VPS9D1: variants seen among roughly 807,000 people sequenced by gnomAD.
VPS9D1 encodes VPS9 domain containing 1.
Under a neutral mutation model 75.8 loss-of-function variants are expected in VPS9D1, and 78 were observed. That is an observed-to-expected ratio of 1.03 (90% confidence interval 0.86 to 1.24). The LOEUF (loss-of-function observed/expected upper bound fraction) is 1.24, where lower values mean the gene tolerates loss of function less well. VPS9D1 is among the 50% of genes most tolerant of loss of function. The pLI is 0.00. For synonymous variants in VPS9D1, 481 were observed against 385.6 expected (o/e 1.25, Z -2.90); for missense variants, 1,057 against 847.7 (o/e 1.25, Z -3.07).
At chr16:89,712,926 C>T in intron 4 of VPS9D1, 1 of 472,700 alleles carries the variant, frequency 2.1e-6, no homozygotes, top group Non-Finnish European at 3.7e-6. Context: ...GCTCCCGCCT[C>T]TAATGCCAGC....
In VPS9D1 at chr16:89,717,701, G is replaced by A. The variant is rs566060664; in HGVS notation, c.176-879C>T. 2.2e-5 allele frequency: 10 copies of A among 456,254 alleles called. No individual in the cohort carries two copies. In the Middle Eastern group the frequency reaches 1.3e-3, roughly 59 times the overall value. The allele number at this position is 456,254 out of a possible 1,614,324, so 28.3% of individuals were successfully genotyped here. On this transcript the variant is annotated intron_variant, in intron 2 of 14. Transcript: ENST00000389386. Reference sequence around the variant, plus strand: ...CACGGTGGGCCACTGGAGTTCCTCTGTCTTCTGGGACTTTGCTCTCCCCAG... The same window carrying A: ...CACGGTGGGCCACTGGAGTTCCTCTATCTTCTGGGACTTTGCTCTCCCCAG...
intron 2 of VPS9D1, among the ~76,000 whole-genome samples, chr16:89,718,533 C>G (rs533786899): frequency 6.6e-6 from 1 of 152,120 alleles, no homozygotes; most frequent in Non-Finnish European, 1.5e-5. Context: ...TTATCCACAA[C>G]GCTGGTCCCT....
At chr16:89,716,162 C>T (rs918398398) in intron 4 of VPS9D1, among the ~76,000 whole-genome samples, 6 of 152,094 alleles carry the variant, frequency 3.9e-5, no homozygotes, top group South Asian at 4.1e-4. Flanking sequence ...GTCAGGAGAT[C>T]GAAACCATCC....
chr16:89,712,120 C>T (rs1376433515), intron 6 of VPS9D1, 21 bp from the exon 7 acceptor site: 3 of 1,548,194 alleles, frequency 1.9e-6, no homozygotes, highest in South Asian at 2.4e-5. Context: ...AGTCAAGGGG[C>T]CGAGCGTGGG....
chr16:89,711,527 G>A (rs531330838), intron 8 of VPS9D1, 115 bp from the exon 9 acceptor site: 1 of 1,044,776 alleles, frequency 9.6e-7, no homozygotes, highest in Admixed American at 2.8e-5. Context: ...TGGGGTGCAG[G>A]AGACCCAGCG....
intron 13 of VPS9D1, 68 bp downstream of exon 13, chr16:89,708,789 C>T: frequency 2.1e-6 from 3 of 1,430,174 alleles, no homozygotes; most frequent in Non-Finnish European, 2.8e-6. Flanking sequence ...GGAAGATAGT[C>T]CCTCCCGTGA....
intron 13 of VPS9D1, 54 bp downstream of exon 13, chr16:89,708,803 T>C (rs1364064349): frequency 1.3e-6 from 2 of 1,491,832 alleles, no homozygotes; most frequent in East Asian, 2.4e-5. Flanking sequence ...CCCGTGACCA[T>C]TGCCTTTCTA....
Position 89,708,966 on chromosome 16 carries a change from A to T in VPS9D1, c.1598-10T>A. 6.3e-7 allele frequency: 1 copy of T among 1,589,830 alleles called. No individual in the cohort carries two copies. The highest frequency in any genetic ancestry group is 8.5e-7 in the Non-Finnish European group (1 of 1,169,658). ...ATCCGCAGGGTCCGCACTGCGCCCC[A>T]GACAGGGTTTCAGGGGCAGTTAACC... On this transcript the variant is annotated splice_polypyrimidine_tract_variant and intron_variant, in intron 12 of 14. Transcript: ENST00000389386.
rs2060826857 is a variant in VPS9D1 at position 89,707,867 on chromosome 16, G to C, written c.1890C>G (p.Ala630=). Residue 630 remains alanine (A), a synonymous_variant, in exon 15 of 15, where the codon GCC becomes GCG. Transcript: ENST00000389386. ...ACCCTGGGCTCTAGCTGTACTACTT[G>C]GCCAGGCCTCCCCGGGGCAGCAGCT... ...YVELLPRGGL[A]K 1 of 1,612,918 alleles carries C rather than the reference G, an allele frequency of 6.2e-7. No homozygotes were observed. Among genetic ancestry groups the C allele is most frequent in the African/African-American group, 1.3e-5 (1 of 74,922 alleles).
chr16:89,714,295 T>C (rs1298082130), intron 4 of VPS9D1, among the ~76,000 whole-genome samples: 1 of 152,138 alleles, frequency 6.6e-6, no homozygotes, highest in Non-Finnish European at 1.5e-5. Context: ...ATTTTATGTG[T>C]GGCCCAAGAC....
intron 10 of VPS9D1, 45 bp downstream of exon 10, chr16:89,710,541 G>A: frequency 2.6e-6 from 4 of 1,542,604 alleles, no homozygotes; most frequent in Middle Eastern, 1.7e-4. Context: ...CAATAAGCAG[G>A]GGTGAAGAGC....
At chr16:89,720,493 A>C in intron 1 of VPS9D1, 1 of 1,124,942 alleles carries the variant, frequency 8.9e-7, no homozygotes, top group Middle Eastern at 3.8e-4. Context: ...CTCCTGCTAC[A>C]TCTCCTCTAC....
At chr16:89,709,080 C>G (rs974862000) in intron 12 of VPS9D1, 124 bp from the exon 13 acceptor site, 1 of 1,381,834 alleles carries the variant, frequency 7.2e-7, no homozygotes, top group African/African-American at 1.5e-5. Context: ...GTGACCCTGG[C>G]GATGTTGCTC....
chr16:89,711,864 G>T lies in VPS9D1; in HGVS notation c.747+18C>A, dbSNP rs368652054. The T allele has an allele frequency of 1.9e-6, 3 of 1,549,338 alleles. No individual in the cohort carries two copies. The highest frequency in any genetic ancestry group is 2.6e-6 in the Non-Finnish European group (3 of 1,146,084). ...CGCTGGGCTCCTCCTACAAAGCCTG[G>T]GCCCGTGGGGGACGCACATGGTCCT... On this transcript the variant is annotated intron_variant, in intron 8 of 14. Transcript: ENST00000389386.
At position 89,707,995 on chromosome 16, in the gene VPS9D1, CAGA is replaced by C. The variant is rs1567538775; in HGVS notation, c.1803-44_1803-42del. On this transcript the variant is annotated intron_variant, in intron 14 of 14. Coordinates refer to ENST00000389386, the MANE Select transcript of VPS9D1 (RefSeq NM_004913.3). ...GGGCAGCCGGTGTCATCTGAACGAA[CAGA>C]AGGATACCCCCGGCCCTCCAGAAGG... is the stretch of plus-strand genomic sequence containing the variant. 6.3e-6 allele frequency: 10 copies of C among 1,588,040 alleles called. No homozygotes were observed. The Admixed American group carries it at 1.5e-4, about 24-fold the overall frequency.
intron 12 of VPS9D1, 113 bp downstream of exon 12, chr16:89,709,114 C>A: frequency 6.9e-7 from 1 of 1,450,972 alleles, no homozygotes. Flanking sequence ...GTTCTGGTCC[C>A]CCAACCTCCC....
At chr16:89,708,169 C>A (rs993135796) in intron 14 of VPS9D1, among the ~76,000 whole-genome samples, 1 of 152,210 alleles carries the variant, frequency 6.6e-6, no homozygotes, top group African/African-American at 2.4e-5. Flanking sequence ...GATCCTTATC[C>A]CCTCCCCAGG....
chr16:89,712,825 A>AGAAAGAG, intron 4 of VPS9D1, 109 bp from the exon 5 acceptor site: 2 of 979,772 alleles, frequency 2.0e-6, no homozygotes, highest in South Asian at 3.8e-5. Flanking sequence ...GGAGGTGAGG[A>AGAAAGAG]GAAAGAGGAG....
In VPS9D1 at chr16:89,712,961, G is replaced by T; in HGVS notation, c.432-245C>A. ...CACTTTAGGAGGCTAAGGCCGGGCGGATCACCTGAGGTCAGGAGTTCGAGA... is the reference window on the plus strand; with the variant it reads ...CACTTTAGGAGGCTAAGGCCGGGCGTATCACCTGAGGTCAGGAGTTCGAGA... On this transcript the variant is annotated intron_variant, in intron 4 of 14. Transcript: ENST00000389386. 2 of 353,020 alleles carry T rather than the reference G, an allele frequency of 5.7e-6. 1 individual carries two copies. The allele number at this position is 353,020 out of a possible 1,614,324, so 21.9% of individuals were successfully genotyped here. A position where few individuals can be genotyped will look rare whatever the true frequency, so the allele number is the denominator to read the frequency against.
Sources: allele counts gnomAD v4.1 joint callset (sites outside exome capture counted in the v4.1 genomes callset), GRCh38; gene constraint gnomAD v4.1.1; transcripts MANE v1.5; gene names NCBI Gene and HGNC (gene_info 2026-07-23, HGNC 2026-07-21).